SLC16A1: variants seen among roughly 807,000 people sequenced by gnomAD.
SLC16A1 encodes the protein solute carrier family 16 member 1, also known as monocarboxylate transporter 1.
In SLC16A1, 11 loss-of-function variants were observed where a neutral mutation model predicts 32.2. The ratio of observed to expected loss-of-function variants is 0.34; its 90% CI spans 0.21 to 0.56. SLC16A1 has a LOEUF of 0.56. Ranked by LOEUF, SLC16A1 falls within the 20% of genes least tolerant of loss-of-function variation. The pLI, the probability that SLC16A1 is intolerant of heterozygous loss-of-function variation, is 0.87. For synonymous variants in SLC16A1, 231 were observed against 226.8 expected, an observed-to-expected ratio of 1.02 and a Z score of -0.17; for missense variants, 435 against 615.0, an observed-to-expected ratio of 0.71 and a Z score of 3.10.
At chr1:112,930,118 G>C (rs573208804) in intron 1 of SLC16A1, among the ~76,000 whole-genome samples, 1 of 152,166 alleles carries the variant, frequency 6.6e-6, no homozygotes, top group Non-Finnish European at 1.5e-5. Context: ...CCCAAGGAGA[G>C]GGGTAGTGGT....
At position 112,921,604 on chromosome 1, in the gene SLC16A1, T is replaced by C. The variant is rs571373963; in HGVS notation, c.361+386A>G. Among the ~76,000 whole-genome samples the C allele has an allele frequency of 1.2e-4, 18 of 152,316 alleles. No individual in the cohort carries two copies. The South Asian group carries it at 3.7e-3, about 32-fold the overall frequency. On this transcript the variant is annotated intron_variant, in intron 3 of 4. Coordinates refer to ENST00000369626, the MANE Select transcript of SLC16A1 (RefSeq NM_003051.4). ...TCATCAACAGTTCATTATCTTAATTTAGTGATTTTTAAAATGGGGGGAGGA... is the reference window on the plus strand; with the variant it reads ...TCATCAACAGTTCATTATCTTAATTCAGTGATTTTTAAAATGGGGGGAGGA...
chr1:112,929,021 TA>T, intron 2 of SLC16A1, 70 bp downstream of exon 2: 26 of 1,071,758 alleles, frequency 2.4e-5, no homozygotes, highest in Non-Finnish European at 2.6e-5. Context: ...TTTTTTTTTT[TA>T]AAGTTACCTA....
intron 1 of SLC16A1, among the ~76,000 whole-genome samples, chr1:112,941,940 C>T (rs570851885): frequency 6.6e-6 from 1 of 152,128 alleles, no homozygotes; most frequent in South Asian, 2.1e-4. Flanking sequence ...GCCTTTCTGA[C>T]ACCTCTCTCT....
intron 3 of SLC16A1, among the ~76,000 whole-genome samples, chr1:112,920,371 G>A (rs1648677842): frequency 6.6e-6 from 1 of 152,130 alleles, no homozygotes. Flanking sequence ...ACTTTGGGAG[G>A]CAGCGGCAGG....
Position 112,918,065 on chromosome 1 carries a change from T to G in SLC16A1, c.362-21A>C, listed in dbSNP as rs201021807. The stretch of plus-strand genomic sequence containing the variant: ...AAGACCTGTGAAGACAATAAATAAA[T>G]AAATAAATAAATAAATAAATAAATA... On this transcript the variant is annotated intron_variant, in intron 3 of 4. Coordinates refer to ENST00000369626, the MANE Select transcript of SLC16A1 (RefSeq NM_003051.4). The G allele has an allele frequency of 0.3, 253,059 of 850,044 alleles. 45,638 individuals carry two copies. The highest frequency in any genetic ancestry group is 0.5 in the East Asian group (13,075 of 26,318). The allele number at this position is 850,044 out of a possible 1,614,324, so 52.7% of individuals were successfully genotyped here.
At chr1:112,914,975 TC>T (rs1240339646) in intron 4 of SLC16A1, among the ~76,000 whole-genome samples, 1 of 152,234 alleles carries the variant, frequency 6.6e-6, no homozygotes, top group East Asian at 1.9e-4. Flanking sequence ...TTTATTAGCA[TC>T]TCATTGAACT....
intron 2 of SLC16A1, chr1:112,924,248 A>T (rs1648852637): frequency 1.7e-5 from 26 of 1,509,368 alleles, no homozygotes; most frequent in Non-Finnish European, 2.4e-5. Context: ...AGAACTTGGC[A>T]GCGGCAGAGG....
intron 4 of SLC16A1, among the ~76,000 whole-genome samples, chr1:112,914,415 G>A (rs931719456): frequency 2.6e-5 from 4 of 152,154 alleles, no homozygotes; most frequent in African/African-American, 9.7e-5. Context: ...TTGGCAAACT[G>A]GAAATGGAAG....
intron 1 of SLC16A1, among the ~76,000 whole-genome samples, chr1:112,948,565 G>T (rs577589630): frequency 6.6e-6 from 1 of 151,184 alleles, no homozygotes; most frequent in South Asian, 2.1e-4. Context: ...GTGCAATGGT[G>T]CGATCTGGGC....
intron 1 of SLC16A1, among the ~76,000 whole-genome samples, chr1:112,941,495 C>T (rs1298121855): frequency 1.3e-5 from 2 of 152,144 alleles, no homozygotes; most frequent in Non-Finnish European, 2.9e-5. Context: ...GTTGGTCAGG[C>T]TGGTCTCAAA....
intron 2 of SLC16A1, among the ~76,000 whole-genome samples, chr1:112,928,681 T>G (rs759174870): frequency 1.1e-4 from 17 of 152,228 alleles, no homozygotes; most frequent in Non-Finnish European, 2.2e-4. Context: ...CCTGAGAATC[T>G]GAACCATGCC....
chr1:112,923,575 C>A, intron 2 of SLC16A1: 1 of 1,330,812 alleles, frequency 7.5e-7, no homozygotes, highest in Non-Finnish European at 1.1e-6. Flanking sequence ...AAAATTGATA[C>A]CAAGGCCAAT....
chr1:112,948,230 G>A (rs905871951), intron 1 of SLC16A1, among the ~76,000 whole-genome samples: 3 of 151,622 alleles, frequency 2.0e-5, no homozygotes, highest in Non-Finnish European at 4.4e-5. Flanking sequence ...CGGGGGCGGC[G>A]GGGGAGAAAA....
At chr1:112,923,194 C>T (rs923413572) in intron 2 of SLC16A1, among the ~76,000 whole-genome samples, 13 of 152,310 alleles carry the variant, frequency 8.5e-5, no homozygotes, top group African/African-American at 2.9e-4. Context: ...TGGCGCATGC[C>T]TGTAATCCCA....
intron 2 of SLC16A1, among the ~76,000 whole-genome samples, chr1:112,924,726 T>C (rs1648873773): frequency 1.3e-5 from 2 of 152,150 alleles, no homozygotes; most frequent in African/African-American, 4.8e-5. Flanking sequence ...AAACCAAATA[T>C]ATCTTTCAGG....
intron 4 of SLC16A1, 37 bp from the exon 5 acceptor site, chr1:112,914,202 G>A: frequency 6.2e-7 from 1 of 1,612,920 alleles, no homozygotes; most frequent in East Asian, 2.2e-5. Flanking sequence ...TTGTTTCTAA[G>A]AGTAAACAGT....
In SLC16A1 at chr1:112,912,279, C is replaced by A. The variant is rs1304539763; in HGVS notation, c.*1612G>T. On this transcript the variant is annotated 3_prime_UTR_variant, in exon 5 of 5. Coordinates refer to ENST00000369626, the MANE Select transcript of SLC16A1 (RefSeq NM_003051.4). The stretch of plus-strand genomic sequence containing the variant: ...TTAATTCAATCAATTTAGCAAGGCC[C>A]AAAATGAAACCTGGTAATGAAAATG... 3 of 152,122 alleles carry A rather than the reference C, an allele frequency of 2.0e-5. No homozygotes were observed. Among genetic ancestry groups the A allele is most frequent in the Admixed American group, 6.5e-5 (1 of 15,278 alleles). 9.4% of individuals were successfully genotyped at this position (152,122 alleles called of 1,614,324 possible).
intron 1 of SLC16A1, among the ~76,000 whole-genome samples, chr1:112,935,137 A>G (rs1649255850): frequency 6.6e-6 from 1 of 152,210 alleles, no homozygotes; most frequent in Admixed American, 6.5e-5. Flanking sequence ...AAAGTTAGCC[A>G]GGCATGGTGG....
chr1:112,923,954 G>A (rs1313736368), intron 2 of SLC16A1: 6 of 1,507,706 alleles, frequency 4.0e-6, no homozygotes, highest in Non-Finnish European at 5.5e-6. Context: ...CTCTGGCTGG[G>A]GACCTGCTGA....
Sources: gnomAD v4.1 joint callset for allele counts (sites outside exome capture counted in the v4.1 genomes callset) on GRCh38, gnomAD v4.1.1 for gene constraint, MANE v1.5 for transcripts, NCBI Gene and HGNC (gene_info 2026-07-23, HGNC 2026-07-21) for gene names.